The following CSMD3 variants were observed in gnomAD, a reference collection of about 807,000 sequenced individuals.
CSMD3 encodes the protein CUB and Sushi multiple domains 3, also known as CUB and sushi domain-containing protein 3.
A neutral mutation model predicts 435.2 loss-of-function variants in CSMD3; 177 were observed. The observed-to-expected ratio is 0.41, with a 90% CI of 0.36 to 0.46. The LOEUF is 0.46. Among genes scored for constraint, CSMD3 ranks in the 20% least tolerant of loss-of-function variants. CSMD3 has a pLI of 0.34. For missense variants in CSMD3, 4,265 were observed against 4,504.6 expected (o/e 0.95, Z 1.52); for synonymous variants, 1,656 against 1,520.5 (o/e 1.09, Z -2.07).
intron 35 of CSMD3, among the ~76,000 whole-genome samples, chr8:112,396,129 C>A (rs1830839088): frequency 2.0e-5 from 3 of 151,830 alleles, no homozygotes; most frequent in Admixed American, 1.3e-4. Context: ...TGAACATTTT[C>A]TTGTGCTTTA....
At chr8:113,264,749 CTTAA>C (rs2093454636) in intron 3 of CSMD3, among the ~76,000 whole-genome samples, 2 of 151,344 alleles carry the variant, frequency 1.3e-5, no homozygotes, top group African/African-American at 4.8e-5. Context: ...TTCCCTAAAC[CTTAA>C]TTATTTAATG....
In CSMD3 at chr8:112,506,796, C is replaced by T. The variant is rs2130931971; in HGVS notation, c.4790G>A (p.Gly1597Asp). 5.0e-6 allele frequency: 8 copies of T among 1,613,466 alleles called. No individual in the cohort carries two copies. Among genetic ancestry groups the T allele is most frequent in the Non-Finnish European group, 6.8e-6 (8 of 1,179,572 alleles). ...AGGGAAGTTTGGTGAAAGAATAAAG[C>T]CTGAAGATCCTGTTAAATTGCCTCC... ...PCGGNLTGSS[G>D]FILSPNFPHP... Residue 1597 changes from glycine (G) to aspartate (D), a missense_variant, in exon 29 of 71, where the codon GGC becomes GAC. Around this residue, in one of 3 missense-constraint regions of CSMD3, gnomAD observed 3,255 missense variants for 3,380.2 expected, o/e 0.96. Coordinates refer to ENST00000297405, the MANE Select transcript of CSMD3 (RefSeq NM_198123.2).
At chr8:113,176,979 T>C (rs2092355810) in intron 3 of CSMD3, among the ~76,000 whole-genome samples, 1 of 151,696 alleles carries the variant, frequency 6.6e-6, no homozygotes, top group South Asian at 2.1e-4. Context: ...ATAAAATAAT[T>C]ATTAAATATA....
At chr8:112,994,654 T>A (rs764570385) in intron 6 of CSMD3, among the ~76,000 whole-genome samples, 11 of 151,592 alleles carry the variant, frequency 7.3e-5, no homozygotes, top group Non-Finnish European at 1.3e-4. Flanking sequence ...GCTACAAATT[T>A]CATGGATTTG....
At chr8:113,357,481 G>T (rs1361568993) in intron 1 of CSMD3, among the ~76,000 whole-genome samples, 1 of 152,062 alleles carries the variant, frequency 6.6e-6, no homozygotes, top group East Asian at 1.9e-4. Context: ...TTTTAATTGT[G>T]TTTAATTTAA....
chr8:112,706,808 C>T (rs768480217), intron 13 of CSMD3, among the ~76,000 whole-genome samples: 18 of 152,070 alleles, frequency 1.2e-4, no homozygotes, highest in Non-Finnish European at 2.4e-4. Context: ...ACTTGATATA[C>T]AGTCAATTAA....
chr8:112,759,079 T>C (rs1340181920), intron 13 of CSMD3, among the ~76,000 whole-genome samples: 1 of 152,144 alleles, frequency 6.6e-6, no homozygotes, highest in African/African-American at 2.4e-5. Context: ...CTTAGATTTA[T>C]AGTTTTGCAT....
At chr8:112,857,677 T>G (rs1262329610) in intron 11 of CSMD3, among the ~76,000 whole-genome samples, 1 of 151,768 alleles carries the variant, frequency 6.6e-6, no homozygotes, top group Admixed American at 6.6e-5. Flanking sequence ...GACAAGTTAT[T>G]TATAGGCTTG....
chr8:112,229,437 C>G (rs11778501), intron 69 of CSMD3, among the ~76,000 whole-genome samples: 21 of 149,354 alleles, frequency 1.4e-4, no homozygotes, highest in Non-Finnish European at 3.0e-5. Flanking sequence ...TTCTTTTTTT[C>G]TTTTTTCTTG....
rs2131353059 is a variant in CSMD3 at position 112,587,096 on chromosome 8, T to A, written c.3855A>T (p.Thr1285=). 6.2e-7 allele frequency: 1 copy of A among 1,611,026 alleles called. No individual in the cohort carries two copies. Among genetic ancestry groups the A allele is most frequent in the South Asian group, 1.1e-5 (1 of 91,048 alleles). The part of the protein sequence containing the change: ...AGKGINISAR[T]FHLAQGDVLK... Reference sequence around the variant, plus strand: ...GAACATCTCCTTGTGCTAAATGAAATGTTCTGGCTGAAATATTGATTCCCT... The same window carrying A: ...GAACATCTCCTTGTGCTAAATGAAAAGTTCTGGCTGAAATATTGATTCCCT... The change falls in exon 23 of 71, where the codon ACA becomes ACT. Residue 1285 remains threonine, a synonymous_variant. Transcript: ENST00000297405.
chr8:113,010,502 C>T (rs1047073124), intron 6 of CSMD3, among the ~76,000 whole-genome samples: 1 of 151,518 alleles, frequency 6.6e-6, no homozygotes, highest in African/African-American at 2.4e-5. Flanking sequence ...TACATTTGAA[C>T]CTAGTTTAAA....
chr8:113,008,830 C>A (rs56360485), intron 6 of CSMD3, among the ~76,000 whole-genome samples: 91,284 of 150,858 alleles, frequency 0.61, 29,216 homozygotes, highest in East Asian at 0.95. Flanking sequence ...TTGCTAACAA[C>A]CTATTTATTA....
At chr8:112,381,970 T>G (rs1829499816) in intron 37 of CSMD3, among the ~76,000 whole-genome samples, 1 of 152,128 alleles carries the variant, frequency 6.6e-6, no homozygotes, top group African/African-American at 2.4e-5. Context: ...ATTATTATTT[T>G]AAAAGTATTA....
At chr8:112,921,095 T>C (rs1210305958) in intron 10 of CSMD3, among the ~76,000 whole-genome samples, 1 of 151,546 alleles carries the variant, frequency 6.6e-6, no homozygotes, top group Non-Finnish European at 1.5e-5. Context: ...CTTACATATA[T>C]ATACACACAT....
intron 57 of CSMD3, among the ~76,000 whole-genome samples, chr8:112,287,451 G>A (rs532258894): frequency 2.0e-4 from 30 of 152,118 alleles, no homozygotes; most frequent in African/African-American, 7.2e-4. Flanking sequence ...AGAGTACAGT[G>A]TTACTTTTTT....
chr8:113,015,980 GA>G (rs1398003358), intron 6 of CSMD3, among the ~76,000 whole-genome samples: 3 of 151,832 alleles, frequency 2.0e-5, no homozygotes, highest in Admixed American at 1.3e-4. Flanking sequence ...AGGGTTAATG[GA>G]ACTTGAATGG....
chr8:112,857,315 A>G (rs1331096821), intron 11 of CSMD3, among the ~76,000 whole-genome samples: 1 of 151,814 alleles, frequency 6.6e-6, no homozygotes, highest in Non-Finnish European at 1.5e-5. Context: ...TTGGAGAAAA[A>G]GGAGAAATAA....
intron 1 of CSMD3, among the ~76,000 whole-genome samples, chr8:113,403,018 C>G (rs1283084836): frequency 2.0e-5 from 3 of 151,164 alleles, no homozygotes; most frequent in African/African-American, 7.3e-5. Flanking sequence ...CAATTGCACC[C>G]TCTGAATGTA....
At chr8:112,886,257 G>T (rs1401287822) in intron 10 of CSMD3, among the ~76,000 whole-genome samples, 1 of 151,538 alleles carries the variant, frequency 6.6e-6, no homozygotes, top group Non-Finnish European at 1.5e-5. Flanking sequence ...GTCTGTACAT[G>T]TGTAACTCAT....
Sources: allele counts gnomAD v4.1 joint callset (sites outside exome capture counted in the v4.1 genomes callset), GRCh38; gene constraint gnomAD v4.1.1; regional missense constraint gnomAD v4.1.1; transcripts MANE v1.5; gene names NCBI Gene and HGNC (gene_info 2026-07-23, HGNC 2026-07-21).